ACYP2: variants seen among roughly 807,000 people sequenced by gnomAD.
ACYP2 encodes the protein acylphosphatase 2, also known as acylphosphatase-2.
ACYP2 carries 12 observed loss-of-function variants against 11.2 expected under a neutral mutation model. The observed-to-expected ratio is 1.08, with a 90% CI of 0.69 to 1.74. ACYP2 has a LOEUF of 1.74. ACYP2 is among the 40% of genes most tolerant of loss of function. ACYP2 has a pLI of 0.00. For missense variants in ACYP2, 134 were observed against 101.9 expected (o/e 1.31, Z -1.35); for synonymous variants, 43 against 32.2 (o/e 1.33, Z -1.13).
At chr2:54,169,189 A>G (rs1232478867) in intron 6 of ACYP2, among the ~76,000 whole-genome samples, 1 of 152,208 alleles carries the variant, frequency 6.6e-6, no homozygotes, top group Non-Finnish European at 1.5e-5. Context: ...TAGTTTCAGC[A>G]GTGAATCTTC....
At chr2:54,114,204 C>T (rs1178706265) in intron 4 of ACYP2, among the ~76,000 whole-genome samples, 1 of 152,020 alleles carries the variant, frequency 6.6e-6, no homozygotes, top group Admixed American at 6.6e-5. Context: ...AATGCAAATT[C>T]TCACAAGTAA....
intron 6 of ACYP2, among the ~76,000 whole-genome samples, chr2:54,163,296 A>T (rs1682806570): frequency 6.6e-6 from 1 of 152,192 alleles, no homozygotes; most frequent in Non-Finnish European, 1.5e-5. Context: ...CTTTTCAATC[A>T]CAGTGGGAAG....
intron 6 of ACYP2, among the ~76,000 whole-genome samples, chr2:54,213,042 C>T (rs1410650922): frequency 1.3e-5 from 2 of 151,902 alleles, no homozygotes; most frequent in Non-Finnish European, 2.9e-5. Flanking sequence ...TTTCATTACT[C>T]AACTAATGAG....
intron 2 of ACYP2, among the ~76,000 whole-genome samples, chr2:54,049,068 C>A (rs1675685714): frequency 6.6e-6 from 1 of 152,108 alleles, no homozygotes; most frequent in Admixed American, 6.6e-5. Flanking sequence ...TGAGGCCAGC[C>A]TGGGAAACGT....
intron 6 of ACYP2, among the ~76,000 whole-genome samples, chr2:54,153,003 T>C (rs2103813399): frequency 6.6e-6 from 1 of 152,318 alleles, no homozygotes; most frequent in East Asian, 1.9e-4. Flanking sequence ...CTGATTACTT[T>C]TTTAAAAATG....
intron 6 of ACYP2, chr2:54,141,992 T>A: frequency 2.2e-6 from 1 of 456,028 alleles, no homozygotes; most frequent in South Asian, 5.4e-5. Flanking sequence ...TTTGTGTGTG[T>A]GTGTGTGTGT....
chr2:54,039,525 C>G (rs1159082013), intron 2 of ACYP2, among the ~76,000 whole-genome samples: 1 of 152,094 alleles, frequency 6.6e-6, no homozygotes, highest in Non-Finnish European at 1.5e-5. Context: ...CTCCTGAGCT[C>G]AAGCAATCCA....
intron 2 of ACYP2, among the ~76,000 whole-genome samples, chr2:54,003,254 G>A (rs1233135085): frequency 4.0e-5 from 6 of 150,850 alleles, no homozygotes; most frequent in East Asian, 2.0e-4. Context: ...AGCCGAGCTC[G>A]CTTATTTATT....
chr2:54,009,294 C>T (rs913757661), intron 2 of ACYP2, among the ~76,000 whole-genome samples: 1 of 151,976 alleles, frequency 6.6e-6, no homozygotes, highest in Admixed American at 6.6e-5. Context: ...TGCAGTGGCT[C>T]ACACCTGTAA....
At chr2:54,121,739 C>T (rs935628127) in intron 4 of ACYP2, among the ~76,000 whole-genome samples, 5 of 152,168 alleles carry the variant, frequency 3.3e-5, no homozygotes, top group Non-Finnish European at 7.4e-5. Flanking sequence ...AGTAGTTATA[C>T]TTTGTGTTTA....
At chr2:54,295,133 C>T (rs931504269) in intron 6 of ACYP2, among the ~76,000 whole-genome samples, 4 of 151,934 alleles carry the variant, frequency 2.6e-5, no homozygotes, top group Admixed American at 6.6e-5. Flanking sequence ...AGAATTACCC[C>T]GAATTCTGGG....
intron 2 of ACYP2, among the ~76,000 whole-genome samples, chr2:54,019,101 C>T (rs6718235): frequency 0.012 from 1,865 of 150,986 alleles, 38 homozygotes; most frequent in African/African-American, 0.042. Context: ...AGGCCTTGCT[C>T]TGTCACCCAA....
chr2:54,248,338 ATAAG>A (rs1259439224), intron 6 of ACYP2, among the ~76,000 whole-genome samples: 1 of 152,232 alleles, frequency 6.6e-6, no homozygotes, highest in Non-Finnish European at 1.5e-5. Context: ...GGTGGAATAG[ATAAG>A]TATCACAAAA....
At chr2:54,029,093 A>G (rs1674446710) in intron 2 of ACYP2, among the ~76,000 whole-genome samples, 1 of 152,246 alleles carries the variant, frequency 6.6e-6, no homozygotes, top group African/African-American at 2.4e-5. Context: ...TCAGCCTGGA[A>G]AGCTGAGGCT....
At chr2:54,090,915 A>G (rs1217044543) in intron 4 of ACYP2, among the ~76,000 whole-genome samples, 2 of 152,130 alleles carry the variant, frequency 1.3e-5, no homozygotes, top group Non-Finnish European at 2.9e-5. Context: ...TGATTTTACC[A>G]TCTACATGTT....
At chr2:54,153,294 TG>T (rs1682268686) in intron 6 of ACYP2, among the ~76,000 whole-genome samples, 4 of 151,954 alleles carry the variant, frequency 2.6e-5, no homozygotes, top group African/African-American at 9.7e-5. Context: ...TGTAAATATG[TG>T]GGTTTATTTC....
intron 6 of ACYP2, among the ~76,000 whole-genome samples, chr2:54,208,863 T>C (rs1348413219): frequency 6.6e-6 from 1 of 151,864 alleles, no homozygotes; most frequent in East Asian, 1.9e-4. Context: ...AATTGTGTGA[T>C]TGTGTGTGTG....
intron 6 of ACYP2, among the ~76,000 whole-genome samples, chr2:54,278,662 G>A (rs1029422263): frequency 6.6e-6 from 1 of 152,076 alleles, no homozygotes; most frequent in Non-Finnish European, 1.5e-5. Context: ...TAGCTTACAT[G>A]CATAACAGCA....
chr2:54,016,846 C>G (rs1234452426), intron 2 of ACYP2, among the ~76,000 whole-genome samples: 2 of 151,802 alleles, frequency 1.3e-5, no homozygotes, highest in Non-Finnish European at 2.9e-5. Flanking sequence ...CTGCCTCAGC[C>G]TCCCGAGTAG....
Sources: allele counts gnomAD v4.1 joint callset (sites outside exome capture counted in the v4.1 genomes callset), GRCh38; gene constraint gnomAD v4.1.1; transcripts MANE v1.5; gene names NCBI Gene and HGNC (gene_info 2026-07-23, HGNC 2026-07-21).